Variants in TASP1 observed in about 807,000 individuals in gnomAD.
The protein encoded by TASP1 is taspase 1.
In TASP1, 16 loss-of-function variants were observed where a neutral mutation model predicts 56.6. That is an observed-to-expected ratio of 0.28 (90% confidence interval 0.19 to 0.43). The LOEUF (loss-of-function observed/expected upper bound fraction) is 0.43, where lower values mean the gene tolerates loss of function less well. Ranked by LOEUF, TASP1 falls within the 20% of genes least tolerant of loss-of-function variation. TASP1 has a pLI of 1.00. For synonymous variants in TASP1, 179 were observed against 184.2 expected (o/e 0.97, Z 0.23); for missense variants, 393 against 511.6 (o/e 0.77, Z 2.24).
At chr20:13,637,978 A>ATG (rs2049372189) in intron 1 of TASP1, among the ~76,000 whole-genome samples, 3 of 152,256 alleles carry the variant, frequency 2.0e-5, no homozygotes, top group Non-Finnish European at 4.4e-5. Flanking sequence ...CCTCTTAGTT[A>ATG]TAACCGTATT....
chr20:13,210,081 A>G, the TASP1 span, among the ~76,000 whole-genome samples: 1 of 152,312 alleles, frequency 6.6e-6, no homozygotes, highest in Non-Finnish European at 1.5e-5. Context: ...TTTCATATAA[A>G]TGGAATGATA....
chr20:13,417,898 A>T (rs891816856), intron 12 of TASP1, among the ~76,000 whole-genome samples: 6 of 152,170 alleles, frequency 3.9e-5, no homozygotes, highest in African/African-American at 1.4e-4. Context: ...ACACACATAC[A>T]CACACACCAG....
the TASP1 span, among the ~76,000 whole-genome samples, chr20:13,315,778 G>T: frequency 2.6e-5 from 4 of 151,962 alleles, no homozygotes; most frequent in African/African-American, 9.6e-5. Context: ...AAATATAAAA[G>T]AATAGAAATC....
At chr20:13,132,153 TCTC>T in the TASP1 span, among the ~76,000 whole-genome samples, 1 of 151,096 alleles carries the variant, frequency 6.6e-6, no homozygotes, top group South Asian at 2.1e-4. Context: ...TCCCTCTAAT[TCTC>T]CTCACCTTGC....
chr20:13,502,093 G>A (rs936683156), intron 10 of TASP1, among the ~76,000 whole-genome samples: 6 of 151,744 alleles, frequency 4.0e-5, no homozygotes, highest in Non-Finnish European at 8.8e-5. Flanking sequence ...TCATAAATTA[G>A]TAATTTTATA....
the TASP1 span, among the ~76,000 whole-genome samples, chr20:13,208,092 C>T: frequency 1.3e-5 from 2 of 152,192 alleles, no homozygotes; most frequent in Non-Finnish European, 2.9e-5. Context: ...CAGTCTCTCA[C>T]TACGATTAAC....
intron 11 of TASP1, among the ~76,000 whole-genome samples, chr20:13,447,850 T>C (rs1568814996): frequency 1.3e-5 from 2 of 152,164 alleles, no homozygotes; most frequent in Admixed American, 6.6e-5. Context: ...TAATTTGCTA[T>C]ACTCTTTACT....
At chr20:13,331,981 G>A in the TASP1 span, among the ~76,000 whole-genome samples, 2 of 152,206 alleles carry the variant, frequency 1.3e-5, no homozygotes, top group Non-Finnish European at 2.9e-5. Flanking sequence ...GCTGGAGCAC[G>A]TTTTAATGTT....
At chr20:13,110,155 TG>T in the TASP1 span, 1 of 1,613,634 alleles carries the variant, frequency 6.2e-7, no homozygotes, top group African/African-American at 1.3e-5. Context: ...CTGTCATCTA[TG>T]GCCAGCCTCG....
At chr20:13,327,370 G>A in the TASP1 span, among the ~76,000 whole-genome samples, 3 of 152,100 alleles carry the variant, frequency 2.0e-5, no homozygotes, top group Admixed American at 2.0e-4. Flanking sequence ...TCATGAAAAT[G>A]GCCATACTGC....
chr20:13,442,555 T>C (rs1022563791), intron 11 of TASP1, among the ~76,000 whole-genome samples: 5 of 151,870 alleles, frequency 3.3e-5, no homozygotes, highest in East Asian at 1.9e-4. Context: ...AGGCAGAGAA[T>C]TGCTTGAACC....
the TASP1 span, among the ~76,000 whole-genome samples, chr20:13,281,428 A>G: frequency 6.6e-6 from 1 of 152,228 alleles, no homozygotes; most frequent in African/African-American, 2.4e-5. Context: ...CAACATTTAA[A>G]TAGTACTTAC....
intron 10 of TASP1, among the ~76,000 whole-genome samples, chr20:13,502,114 T>G (rs1477699143): frequency 2.6e-5 from 4 of 151,714 alleles, no homozygotes; most frequent in Non-Finnish European, 5.9e-5. Context: ...AATGAGCAAA[T>G]AAATAAATAG....
the TASP1 span, among the ~76,000 whole-genome samples, chr20:13,218,744 T>C: frequency 6.6e-6 from 1 of 152,230 alleles, no homozygotes; most frequent in Admixed American, 6.5e-5. Flanking sequence ...AACAGAGCCC[T>C]GCTGGCAAGC....
At chr20:13,483,398 A>C (rs2043210810) in intron 10 of TASP1, 61 bp from the exon 11 acceptor site, 3 of 1,187,188 alleles carry the variant, frequency 2.5e-6, no homozygotes, top group Non-Finnish European at 3.5e-6. Context: ...TGCTTATTTC[A>C]ATAGCATTAG....
At chr20:13,144,204 C>G in the TASP1 span, among the ~76,000 whole-genome samples, 1 of 152,244 alleles carries the variant, frequency 6.6e-6, no homozygotes, top group African/African-American at 2.4e-5. Context: ...GTTACCATCT[C>G]TAGGTCTCCT....
intron 11 of TASP1, among the ~76,000 whole-genome samples, chr20:13,464,910 C>A (rs2044191017): frequency 6.6e-6 from 1 of 151,970 alleles, no homozygotes; most frequent in Non-Finnish European, 1.5e-5. Flanking sequence ...TGCCTGTAAT[C>A]CCAACACTTG....
chr20:13,301,375 G>C, the TASP1 span, among the ~76,000 whole-genome samples: 1 of 152,138 alleles, frequency 6.6e-6, no homozygotes, highest in Non-Finnish European at 1.5e-5. Flanking sequence ...TTTTAGGAGA[G>C]ATAAGGTTTC....
the TASP1 span, among the ~76,000 whole-genome samples, chr20:13,240,149 T>A: frequency 1.3e-5 from 2 of 152,244 alleles, no homozygotes; most frequent in African/African-American, 4.8e-5. Flanking sequence ...TTCCATTCAT[T>A]CATTCAGCAC....
Sources: gnomAD v4.1 joint callset for allele counts (sites outside exome capture counted in the v4.1 genomes callset) on GRCh38, gnomAD v4.1.1 for gene constraint, MANE v1.5 for transcripts, NCBI Gene and HGNC (gene_info 2026-07-23, HGNC 2026-07-21) for gene names.